The following TNRC6A variants were observed in gnomAD, a reference collection of about 807,000 sequenced individuals.
TNRC6A encodes the protein trinucleotide repeat-containing gene 6A protein.
In TNRC6A, 44 loss-of-function variants were observed where a neutral mutation model predicts 221.2. The ratio of observed to expected loss-of-function variants is 0.20; its 90% CI spans 0.16 to 0.26. TNRC6A has a LOEUF of 0.26. TNRC6A is among the 10% of genes least tolerant of loss of function. The pLI, the probability that TNRC6A is intolerant of heterozygous loss-of-function variation, is 1.00. For missense variants in TNRC6A, 2,199 were observed against 2,404.4 expected (o/e 0.91, Z 1.79); for synonymous variants, 847 against 838.5 (o/e 1.01, Z -0.18).
intron 2 of TNRC6A, among the ~76,000 whole-genome samples, chr16:24,724,072 T>C (rs1567389431): frequency 6.6e-6 from 1 of 152,266 alleles, no homozygotes; most frequent in Non-Finnish European, 1.5e-5. Context: ...ATGTATGTAT[T>C]GTGAAATTAT....
chr16:24,694,963 T>C (rs1043865960), intron 2 of TNRC6A, among the ~76,000 whole-genome samples: 2 of 152,132 alleles, frequency 1.3e-5, no homozygotes, highest in Non-Finnish European at 1.5e-5. Flanking sequence ...GAGCCATCTC[T>C]GGACCACTGC....
At chr16:24,692,623 G>A (rs914819399) in intron 2 of TNRC6A, among the ~76,000 whole-genome samples, 20 of 99,082 alleles carry the variant, frequency 2.0e-4, no homozygotes, top group African/African-American at 6.0e-4. Flanking sequence ...ATAAAACAAA[G>A]TAAAGTAAAA....
intron 2 of TNRC6A, among the ~76,000 whole-genome samples, chr16:24,688,754 C>T (rs553794170): frequency 6.6e-6 from 1 of 152,298 alleles, no homozygotes; most frequent in East Asian, 1.9e-4. Flanking sequence ...TCTCTATGAG[C>T]CTAGGAATGA....
At chr16:24,769,346 A>ATTATTCCT (rs2057541578) in intron 4 of TNRC6A, among the ~76,000 whole-genome samples, 1 of 151,366 alleles carries the variant, frequency 6.6e-6, no homozygotes, top group South Asian at 2.1e-4. Context: ...GGTAGGGTGA[A>ATTATTCCT]TTCTTTGAAT....
chr16:24,650,216 A>C (rs1432749110), intron 2 of TNRC6A, among the ~76,000 whole-genome samples: 1 of 152,134 alleles, frequency 6.6e-6, no homozygotes, highest in African/African-American at 2.4e-5. Flanking sequence ...TTTAAATTGG[A>C]AATTTTGTTC....
intron 1 of TNRC6A, among the ~76,000 whole-genome samples, chr16:24,640,308 G>A (rs984300864): frequency 6.6e-6 from 1 of 151,882 alleles, no homozygotes; most frequent in South Asian, 2.1e-4. Flanking sequence ...GCTGAGACAG[G>A]AGGATCACTT....
At chr16:24,709,052 T>C (rs1460670418) in intron 2 of TNRC6A, among the ~76,000 whole-genome samples, 1 of 151,436 alleles carries the variant, frequency 6.6e-6, no homozygotes, top group South Asian at 2.1e-4. Context: ...AGGTCGGGAG[T>C]TCGAGACCAG....
intron 6 of TNRC6A, 86 bp downstream of exon 6, chr16:24,791,903 C>A: frequency 7.4e-7 from 1 of 1,345,244 alleles, no homozygotes; most frequent in Non-Finnish European, 9.7e-7. Flanking sequence ...GATATGCACA[C>A]AAAGGCTGTT....
intron 4 of TNRC6A, among the ~76,000 whole-genome samples, chr16:24,767,167 A>G (rs1462244244): frequency 6.6e-6 from 1 of 152,198 alleles, no homozygotes; most frequent in African/African-American, 2.4e-5. Flanking sequence ...TCTGAGGATG[A>G]GATACGAGGC....
At chr16:24,713,212 G>C (rs1277823935) in intron 2 of TNRC6A, among the ~76,000 whole-genome samples, 1 of 152,070 alleles carries the variant, frequency 6.6e-6, no homozygotes, top group Non-Finnish European at 1.5e-5. Context: ...GAGGCCAGGA[G>C]TTCGAGACCA....
chr16:24,713,346 AG>A (rs1315119192), intron 2 of TNRC6A, among the ~76,000 whole-genome samples: 14 of 152,082 alleles, frequency 9.2e-5, no homozygotes, highest in African/African-American at 3.4e-4. Context: ...TGAACCTGGG[AG>A]GCAGAGGTTG....
Position 24,729,692 on chromosome 16 carries a change from GGCGGCGGCGGCGGCGGCGGCGGCGGCA to G in TNRC6A, c.-145_-119del, listed in dbSNP as rs1480036149. ...CTGCGGCGGCGGCGGTGTCGGCGGC[GGCGGCGGCGGCGGCGGCGGCGGCGGCA>G]GCGGGTCGGTGTAGAAAATGGCGCT... On this transcript the variant is annotated 5_prime_UTR_variant, in exon 1 of 25. Transcript: ENST00000395799. The G allele has an allele frequency of 2.9e-5, 25 of 848,082 alleles. No homozygotes were observed. Among genetic ancestry groups the G allele is most frequent in the South Asian group, 3.8e-5 (1 of 26,438 alleles). 52.5% of individuals were successfully genotyped at this position (848,082 alleles called of 1,614,324 possible). A position where few individuals can be genotyped will look rare whatever the true frequency, so the allele number is the denominator to read the frequency against.
intron 1 of TNRC6A, among the ~76,000 whole-genome samples, chr16:24,636,754 A>T (rs1901655359): frequency 6.6e-6 from 1 of 152,314 alleles, no homozygotes; most frequent in African/African-American, 2.4e-5. Flanking sequence ...TTAATTTTTA[A>T]TTACTAAATC....
intron 20 of TNRC6A, 49 bp from the exon 21 acceptor site, chr16:24,818,542 AAC>A (rs750117690): frequency 1.0e-5 from 15 of 1,473,416 alleles, no homozygotes; most frequent in Non-Finnish European, 1.3e-5. Flanking sequence ...GCTTTTTCTG[AAC>A]CTCCACGTCC....
chr16:24,751,647 C>T (rs1412031858), intron 3 of TNRC6A, among the ~76,000 whole-genome samples: 3 of 152,146 alleles, frequency 2.0e-5, no homozygotes, highest in African/African-American at 4.8e-5. Flanking sequence ...AGTGAAATTA[C>T]TGTTTCAATT....
At chr16:24,758,263 G>A in intron 3 of TNRC6A, 76 bp from the exon 4 acceptor site, 2 of 1,429,038 alleles carry the variant, frequency 1.4e-6, no homozygotes, top group Non-Finnish European at 2.0e-6. Context: ...ATTAATATAT[G>A]AACATTTTAT....
intron 2 of TNRC6A, among the ~76,000 whole-genome samples, chr16:24,643,678 T>C (rs955346807): frequency 1.1e-4 from 17 of 152,138 alleles, no homozygotes; most frequent in African/African-American, 4.1e-4. Context: ...TAGTGGACAT[T>C]CTATCTGATT....
At chr16:24,802,052 A>G (rs1395250859) in intron 11 of TNRC6A, among the ~76,000 whole-genome samples, 3 of 152,244 alleles carry the variant, frequency 2.0e-5, no homozygotes, top group Non-Finnish European at 4.4e-5. Context: ...TTTAAATACC[A>G]GATTCATGAC....
chr16:24,736,269 G>A (rs552240725), intron 2 of TNRC6A, among the ~76,000 whole-genome samples: 1 of 152,200 alleles, frequency 6.6e-6, no homozygotes, highest in East Asian at 1.9e-4. Flanking sequence ...TTAATATTTT[G>A]CCACATTTGT....
Sources: allele counts gnomAD v4.1 joint callset (sites outside exome capture counted in the v4.1 genomes callset), GRCh38; gene constraint gnomAD v4.1.1; transcripts MANE v1.5; gene names NCBI Gene and HGNC (gene_info 2026-07-23, HGNC 2026-07-21).